NCAM1: variants seen among roughly 807,000 people sequenced by gnomAD.
NCAM1 encodes antigen recognized by monoclonal antibody 5.1H11.
NCAM1 carries 14 observed loss-of-function variants against 109.8 expected under a neutral mutation model. The observed-to-expected ratio is 0.13, with a 90% confidence interval of 0.08 to 0.20. The LOEUF is 0.20. NCAM1 is among the 10% of genes least tolerant of loss of function. NCAM1 has a pLI of 1.00. For synonymous variants in NCAM1, 418 were observed against 442.9 expected (o/e 0.94, Z 0.70); for missense variants, 774 against 1,109.9 (o/e 0.70, Z 4.30).
intron 1 of NCAM1, among the ~76,000 whole-genome samples, chr11:113,043,094 A>G (rs569245565): frequency 6.6e-6 from 1 of 152,020 alleles, no homozygotes; most frequent in South Asian, 2.1e-4. Flanking sequence ...ACAGAACTGC[A>G]GGTAGTTCCT....
chr11:113,240,716 A>AT (rs528161365), intron 14 of NCAM1: 1,697 of 1,429,922 alleles, frequency 1.2e-3, no homozygotes, highest in Non-Finnish European at 1.5e-3. Flanking sequence ...TGTTGCTTCC[A>AT]TTTTTTTTTC....
chr11:113,003,584 T>A (rs1426435155), intron 1 of NCAM1, among the ~76,000 whole-genome samples: 5 of 152,150 alleles, frequency 3.3e-5, no homozygotes, highest in Non-Finnish European at 5.9e-5. Flanking sequence ...TTATGGGATT[T>A]CCCCCCTATG....
intron 1 of NCAM1, among the ~76,000 whole-genome samples, chr11:113,049,759 C>A (rs79515667): frequency 0.034 from 5,126 of 152,250 alleles, 280 homozygotes; most frequent in African/African-American, 0.12. Context: ...GTTCTCCTTT[C>A]TCTACACTCC....
chr11:113,139,938 G>A (rs1178236711), intron 1 of NCAM1, among the ~76,000 whole-genome samples: 2 of 152,182 alleles, frequency 1.3e-5, no homozygotes, highest in Non-Finnish European at 2.9e-5. Flanking sequence ...ATTATATGCA[G>A]ATAAAAAATT....
intron 1 of NCAM1, among the ~76,000 whole-genome samples, chr11:113,199,027 C>T (rs1452031676): frequency 6.6e-6 from 1 of 152,130 alleles, no homozygotes; most frequent in East Asian, 1.9e-4. Context: ...GCGTGGGAAG[C>T]ACTGTTGGAA....
chr11:113,177,496 C>T (rs1221207545), intron 1 of NCAM1, among the ~76,000 whole-genome samples: 2 of 152,108 alleles, frequency 1.3e-5, no homozygotes, highest in East Asian at 1.9e-4. Flanking sequence ...TGCAGTGGCA[C>T]GACCTCAGCT....
chr11:112,988,887 A>G (rs542914039), intron 1 of NCAM1, among the ~76,000 whole-genome samples: 40 of 151,704 alleles, frequency 2.6e-4, no homozygotes, highest in Non-Finnish European at 4.7e-4. Flanking sequence ...AGCTGGGATT[A>G]CAGGTGTGCA....
chr11:112,981,208 A>G (rs930052859), intron 1 of NCAM1, among the ~76,000 whole-genome samples: 3 of 151,840 alleles, frequency 2.0e-5, no homozygotes, highest in African/African-American at 7.2e-5. Context: ...TTCTCTGTGC[A>G]TAGAAAAAAA....
In NCAM1 at chr11:113,255,986, G is replaced by T. The variant is rs782093265; in HGVS notation, c.1938G>T (p.Leu646=). Residue 646 remains leucine (L), a synonymous_variant, in exon 16 of 20, where the codon CTG becomes CTT. Transcript: ENST00000316851. ...DDGGSPIRHY[L]VRYRALSSEW... ...GCGGCTCCCCCATCAGACACTATCT[G>T]GTCAGGTACCGAGCGGTGAGTGGCC... is the stretch of plus-strand genomic sequence containing the variant. 1 of 1,602,458 alleles carries T rather than the reference G, an allele frequency of 6.2e-7. No individual in the cohort carries two copies. Among genetic ancestry groups the T allele is most frequent in the South Asian group, 1.1e-5 (1 of 88,758 alleles).
At chr11:113,228,275 C>T (rs1944906524) in intron 9 of NCAM1, among the ~76,000 whole-genome samples, 1 of 152,122 alleles carries the variant, frequency 6.6e-6, no homozygotes, top group Non-Finnish European at 1.5e-5. Flanking sequence ...CACAAGCATT[C>T]TTATACACCA....
intron 1 of NCAM1, among the ~76,000 whole-genome samples, chr11:112,985,935 T>C (rs1166917125): frequency 1.3e-5 from 2 of 151,986 alleles, no homozygotes; most frequent in African/African-American, 4.8e-5. Context: ...TGGCTAGGAC[T>C]TTCAGTACTA....
At chr11:113,123,674 T>C (rs1941061488) in intron 1 of NCAM1, among the ~76,000 whole-genome samples, 1 of 152,186 alleles carries the variant, frequency 6.6e-6, no homozygotes, top group African/African-American at 2.4e-5. Context: ...GGAGGTCTCC[T>C]TAGAGCCCCT....
intron 1 of NCAM1, among the ~76,000 whole-genome samples, chr11:113,145,364 C>A (rs532733646): frequency 1.2e-4 from 19 of 152,300 alleles, no homozygotes; most frequent in Non-Finnish European, 2.4e-4. Flanking sequence ...GAATCATGCT[C>A]AACGCTGGCA....
intron 13 of NCAM1, among the ~76,000 whole-genome samples, chr11:113,234,547 T>C (rs567941471): frequency 2.6e-4 from 40 of 152,348 alleles, no homozygotes; most frequent in African/African-American, 8.4e-4. Context: ...ATGGCATTTG[T>C]CCTTTTGTGG....
chr11:113,134,524 C>T (rs2136146922), intron 1 of NCAM1, among the ~76,000 whole-genome samples: 1 of 152,222 alleles, frequency 6.6e-6, no homozygotes, highest in East Asian at 1.9e-4. Context: ...TTCACTGTCT[C>T]TTGTATTATT....
intron 1 of NCAM1, among the ~76,000 whole-genome samples, chr11:113,177,477 A>G (rs782210870): frequency 6.6e-6 from 1 of 152,308 alleles, no homozygotes; most frequent in East Asian, 1.9e-4. Context: ...CTCTGTCATC[A>G]GGCTGGAGTG....
At chr11:113,195,541 C>T (rs868938320) in intron 1 of NCAM1, among the ~76,000 whole-genome samples, 3 of 130,080 alleles carry the variant, frequency 2.3e-5, no homozygotes, top group South Asian at 2.4e-4. Context: ...CTCGCTTTGT[C>T]GCCCAGACTG....
intron 1 of NCAM1, among the ~76,000 whole-genome samples, chr11:112,980,761 G>T (rs541612276): frequency 6.6e-6 from 1 of 151,696 alleles, no homozygotes. Flanking sequence ...CCCTATGAAG[G>T]TTTATTTTAA....
chr11:113,101,037 C>T (rs550316610), intron 1 of NCAM1, among the ~76,000 whole-genome samples: 48 of 152,264 alleles, frequency 3.2e-4, no homozygotes, highest in African/African-American at 1.0e-3. Context: ...TTCTCCTTGT[C>T]CCCAGAAGGA....
Sources: gnomAD v4.1 joint callset for allele counts (sites outside exome capture counted in the v4.1 genomes callset) on GRCh38, gnomAD v4.1.1 for gene constraint, MANE v1.5 for transcripts, NCBI Gene and HGNC (gene_info 2026-07-23, HGNC 2026-07-21) for gene names.